The following TNRC6B variants were observed in gnomAD, a reference collection of about 807,000 sequenced individuals.
TNRC6B encodes trinucleotide repeat-containing gene 6B protein.
A neutral mutation model predicts 203.6 loss-of-function variants in TNRC6B; 52 were observed. That is an observed-to-expected ratio of 0.26 (90% CI 0.20 to 0.32). The LOEUF (loss-of-function observed/expected upper bound fraction) is 0.32, where lower values mean the gene tolerates loss of function less well. TNRC6B is among the 10% of genes least tolerant of loss of function. TNRC6B has a pLI of 1.00. For missense variants in TNRC6B, 1,923 were observed against 2,286.2 expected (o/e 0.84, Z 3.24); for synonymous variants, 838 against 845.7 (o/e 0.99, Z 0.16).
intron 3 of TNRC6B, among the ~76,000 whole-genome samples, chr22:40,146,521 A>G (rs2068696671): frequency 6.6e-6 from 1 of 150,982 alleles, no homozygotes. Flanking sequence ...CAGCCTCCCA[A>G]GTAGCTGGGA....
chr22:40,139,975 G>C (rs749835489), intron 3 of TNRC6B, among the ~76,000 whole-genome samples: 10 of 152,164 alleles, frequency 6.6e-5, no homozygotes, highest in Non-Finnish European at 1.5e-4. Context: ...AGCCCCCACA[G>C]TTAGGTCTGT....
At chr22:40,158,939 T>G (rs1416094585) in intron 4 of TNRC6B, among the ~76,000 whole-genome samples, 1 of 152,148 alleles carries the variant, frequency 6.6e-6, no homozygotes, top group Non-Finnish European at 1.5e-5. Flanking sequence ...TATGATTCAG[T>G]CTGGATAGGG....
At chr22:40,153,979 A>T (rs913667572) in intron 3 of TNRC6B, among the ~76,000 whole-genome samples, 3 of 150,312 alleles carry the variant, frequency 2.0e-5, no homozygotes, top group Non-Finnish European at 4.4e-5. Context: ...GGCTTTCTTT[A>T]TTTTTTTTTA....
chr22:40,121,896 C>A (rs2068450067), intron 2 of TNRC6B, among the ~76,000 whole-genome samples: 1 of 152,200 alleles, frequency 6.6e-6, no homozygotes, highest in Non-Finnish European at 1.5e-5. Flanking sequence ...TCTAATTCAG[C>A]CTCAATAGTT....
intron 12 of TNRC6B, among the ~76,000 whole-genome samples, chr22:40,296,326 A>ATTTTT (rs951987835): frequency 1.6e-5 from 2 of 125,460 alleles, no homozygotes; most frequent in Non-Finnish European, 3.4e-5. Context: ...AGAATGGTGA[A>ATTTTT]TTTTTTTTTT....
At chr22:40,214,033 C>T (rs1162696209) in intron 1 of TNRC6B, among the ~76,000 whole-genome samples, 1 of 152,064 alleles carries the variant, frequency 6.6e-6, no homozygotes, top group Non-Finnish European at 1.5e-5. Flanking sequence ...TTTGGGAGGC[C>T]AAGGCAGGCG....
At chr22:40,089,119 A>G (rs1481702742) in intron 1 of TNRC6B, among the ~76,000 whole-genome samples, 2 of 152,246 alleles carry the variant, frequency 1.3e-5, no homozygotes, top group African/African-American at 4.8e-5. Flanking sequence ...ATTATGTGGT[A>G]CTTTATAATT....
At chr22:40,157,698 C>G (rs1420250833) in intron 4 of TNRC6B, among the ~76,000 whole-genome samples, 1 of 152,170 alleles carries the variant, frequency 6.6e-6, no homozygotes. Flanking sequence ...AGAAACACTT[C>G]AGGTGCTTTT....
chr22:40,207,533 T>C lies in TNRC6B; in HGVS notation c.5+29393T>C, dbSNP rs143793812. Among the ~76,000 whole-genome samples, 304 of 151,464 alleles carry C rather than the reference T, an allele frequency of 2.0e-3. 1 individual carries two copies. Among genetic ancestry groups the C allele is most frequent in the African/African-American group, 7.2e-3 (297 of 41,508 alleles). ...AACTTAAAGTCACCAAATGACATTA[T>C]GGCCAAAGTGAGAGACAAGCTAGGA... On this transcript the variant is annotated intron_variant, in intron 1 of 22. Coordinates refer to ENST00000454349, the MANE Select transcript of TNRC6B (RefSeq NM_001162501.2).
intron 3 of TNRC6B, among the ~76,000 whole-genome samples, chr22:40,155,817 C>A (rs1479135115): frequency 6.6e-6 from 1 of 152,120 alleles, no homozygotes; most frequent in Non-Finnish European, 1.5e-5. Context: ...GAAATTCCTG[C>A]TTGGTTATTT....
At chr22:40,150,276 G>T (rs965664516) in intron 3 of TNRC6B, among the ~76,000 whole-genome samples, 4 of 152,310 alleles carry the variant, frequency 2.6e-5, no homozygotes, top group African/African-American at 9.6e-5. Flanking sequence ...TACTTGGGAG[G>T]CTGAGGCAGG....
At chr22:40,071,775 GCC>G (rs1342552987) in intron 1 of TNRC6B, among the ~76,000 whole-genome samples, 1 of 152,164 alleles carries the variant, frequency 6.6e-6, no homozygotes, top group Non-Finnish European at 1.5e-5. Flanking sequence ...TATGGAGATG[GCC>G]TTTTCTGTGT....
chr22:40,208,737 A>T (rs1392324676), intron 1 of TNRC6B, among the ~76,000 whole-genome samples: 1 of 152,182 alleles, frequency 6.6e-6, no homozygotes, highest in African/African-American at 2.4e-5. Flanking sequence ...TGTAATAAAA[A>T]TTTTTCTCCA....
intron 1 of TNRC6B, among the ~76,000 whole-genome samples, chr22:40,222,688 T>C (rs949630865): frequency 1.0e-4 from 15 of 149,752 alleles, no homozygotes; most frequent in African/African-American, 3.7e-4. Flanking sequence ...TTATGCAGTT[T>C]CCCCCATTGG....
intron 4 of TNRC6B, among the ~76,000 whole-genome samples, chr22:40,156,506 T>C (rs914332669): frequency 2.6e-5 from 4 of 152,196 alleles, no homozygotes; most frequent in Non-Finnish European, 4.4e-5. Flanking sequence ...GGTACATCCT[T>C]TTCTCAGTAT....
chr22:40,088,816 G>A (rs759110686), intron 1 of TNRC6B, among the ~76,000 whole-genome samples: 1 of 152,136 alleles, frequency 6.6e-6, no homozygotes, highest in East Asian at 1.9e-4. Context: ...AGAGAAGGAG[G>A]AAGGAAATAG....
intron 2 of TNRC6B, among the ~76,000 whole-genome samples, chr22:40,125,219 G>C (rs915842354): frequency 1.3e-5 from 2 of 152,018 alleles, no homozygotes; most frequent in Admixed American, 6.6e-5. Context: ...TAAATGAACT[G>C]ACATTTAGTT....
At chr22:40,215,913 A>G (rs1385656314) in intron 1 of TNRC6B, among the ~76,000 whole-genome samples, 1 of 152,154 alleles carries the variant, frequency 6.6e-6, no homozygotes, top group East Asian at 1.9e-4. Context: ...GTAGCCAGTG[A>G]CCTTTTGAAA....
In TNRC6B at chr22:40,264,967, A is replaced by G. The variant is rs1010850218; in HGVS notation, c.737A>G (p.Gln246Arg). The change falls in exon 5 of 23, where the codon CAG becomes CGG. Residue 246 changes from glutamine to arginine, a missense_variant. Coordinates refer to ENST00000454349, the MANE Select transcript of TNRC6B (RefSeq NM_001162501.2). ...TSNKGKGSQC[Q>R]SASSGNECNL... ...AACAAAGGAAAAGGGAGCCAGTGCC[A>G]GTCTGCAAGTTCTGGGAACGAATGT... The G allele has an allele frequency of 9.9e-6, 16 of 1,614,006 alleles. No homozygotes were observed. The highest frequency in any genetic ancestry group is 1.4e-5 in the Non-Finnish European group (16 of 1,179,896).
Sources: gnomAD v4.1 joint callset for allele counts (sites outside exome capture counted in the v4.1 genomes callset) on GRCh38, gnomAD v4.1.1 for gene constraint, MANE v1.5 for transcripts, NCBI Gene and HGNC (gene_info 2026-07-23, HGNC 2026-07-21) for gene names.